Variants in RAD51B observed in about 807,000 individuals in gnomAD.
The protein encoded by RAD51B is DNA repair protein RAD51 homolog 2.
In RAD51B, 38 loss-of-function variants were observed where a neutral mutation model predicts 42.2. The observed-to-expected ratio is 0.90, with a 90% confidence interval of 0.70 to 1.18. RAD51B has a LOEUF of 1.18. Ranked by LOEUF, RAD51B falls within the 50% of genes most tolerant of loss-of-function variation. The pLI, the probability that RAD51B is intolerant of heterozygous loss-of-function variation, is 0.00. For synonymous variants in RAD51B, 154 were observed against 145.2 expected, an observed-to-expected ratio of 1.06 and a Z score of -0.43; for missense variants, 373 against 400.7, an observed-to-expected ratio of 0.93 and a Z score of 0.59.
In RAD51B at chr14:68,188,431, C is replaced by G. The variant is rs2079200139; in HGVS notation, c.757-103453C>G. On this transcript the variant is annotated intron_variant, in intron 7 of 10. Coordinates refer to ENST00000471583, the MANE Select transcript of RAD51B (RefSeq NM_133510.4). ...TTCTCCCATCTTTCTTCTTTCTCCT[C>G]TTCTTTCTTCTTCTTTTAGGTAAGA... Among the ~76,000 whole-genome samples, 5 of 149,718 alleles carry G rather than the reference C, an allele frequency of 3.3e-5. No homozygotes were observed. In the Admixed American group the frequency reaches 3.4e-4, roughly 10 times the overall value.
intron 7 of RAD51B, among the ~76,000 whole-genome samples, chr14:68,018,691 A>G (rs1256796747): frequency 1.3e-5 from 2 of 152,194 alleles, no homozygotes; most frequent in African/African-American, 4.8e-5. Context: ...TGTATCACTG[A>G]CAGCCACTCA....
chr14:68,392,308 T>C (rs2083780104), intron 8 of RAD51B, among the ~76,000 whole-genome samples: 1 of 152,176 alleles, frequency 6.6e-6, no homozygotes, highest in Non-Finnish European at 1.5e-5. Flanking sequence ...GGAATCTTCT[T>C]ATGCTTCGGA....
intron 9 of RAD51B, among the ~76,000 whole-genome samples, chr14:68,442,691 G>A (rs1056552429): frequency 7.9e-5 from 12 of 151,702 alleles, no homozygotes; most frequent in Non-Finnish European, 7.4e-5. Flanking sequence ...CGCCCGCCTC[G>A]GCCTCCCAAA....
At chr14:68,599,197 A>G (rs1312411399), downstream of RAD51B, among the ~76,000 whole-genome samples, 1 of 152,212 alleles carries the variant, frequency 6.6e-6, no homozygotes, top group African/African-American at 2.4e-5. Context: ...TAGTGTGGGC[A>G]TATCTCCATA....
chr14:68,683,058 TA>T (rs1457494826), intron 11 of RAD51B: 2 of 683,952 alleles, frequency 2.9e-6, no homozygotes, highest in African/African-American at 3.9e-5. Flanking sequence ...ATATGCCTGT[TA>T]TTTTTTTCTG....
intron 8 of RAD51B, among the ~76,000 whole-genome samples, chr14:68,294,559 G>A (rs1044908643): frequency 6.6e-6 from 1 of 152,078 alleles, no homozygotes; most frequent in Non-Finnish European, 1.5e-5. Context: ...TGTTAGGCAG[G>A]CCCTTTTGAT....
intron 7 of RAD51B, among the ~76,000 whole-genome samples, chr14:68,011,788 T>C (rs1197857516): frequency 1.3e-5 from 2 of 152,082 alleles, no homozygotes; most frequent in African/African-American, 2.4e-5. Context: ...GATTAAGCTG[T>C]GTGTAGACAA....
chr14:68,443,145 A>C (rs1205906809), intron 9 of RAD51B, among the ~76,000 whole-genome samples: 1 of 152,222 alleles, frequency 6.6e-6, no homozygotes, highest in African/African-American at 2.4e-5. Context: ...AGAAAATCCC[A>C]GGGCTGGAAA....
At chr14:68,082,192 C>A (rs2076922369) in intron 7 of RAD51B, among the ~76,000 whole-genome samples, 1 of 152,048 alleles carries the variant, frequency 6.6e-6, no homozygotes, top group Admixed American at 6.5e-5. Context: ...GATCTCCTGA[C>A]CTCGTGATCT....
At chr14:68,363,574 C>T (rs2139921495) in intron 8 of RAD51B, among the ~76,000 whole-genome samples, 1 of 152,274 alleles carries the variant, frequency 6.6e-6, no homozygotes, top group African/African-American at 2.4e-5. Context: ...GTGCAGGGCT[C>T]TCCTGCGGCG....
intron 7 of RAD51B, among the ~76,000 whole-genome samples, chr14:68,207,239 T>A (rs2079610471): frequency 6.6e-6 from 1 of 152,120 alleles, no homozygotes; most frequent in Non-Finnish European, 1.5e-5. Context: ...CATATATATA[T>A]AAATACACAC....
At chr14:68,473,256 A>G (rs1882239179) in intron 10 of RAD51B, among the ~76,000 whole-genome samples, 1 of 152,202 alleles carries the variant, frequency 6.6e-6, no homozygotes, top group Non-Finnish European at 1.5e-5. Context: ...AACTCAATGG[A>G]GCAAAGAGAG....
At chr14:68,227,682 G>A (rs2140976139) in intron 7 of RAD51B, among the ~76,000 whole-genome samples, 1 of 151,998 alleles carries the variant, frequency 6.6e-6, no homozygotes, top group African/African-American at 2.4e-5. Flanking sequence ...TTTTCTTCAG[G>A]GTCCGTCAAC....
At chr14:68,456,921 T>C (rs900727719) in intron 9 of RAD51B, among the ~76,000 whole-genome samples, 3 of 106,378 alleles carry the variant, frequency 2.8e-5, no homozygotes, top group African/African-American at 4.0e-5. Flanking sequence ...TTTTTTTTTT[T>C]GCTTTTTTTG....
Position 68,421,704 on chromosome 14 carries a change from G to A in RAD51B, c.957+10177G>A, listed in dbSNP as rs968394984. On this transcript the variant is annotated intron_variant, in intron 9 of 10. Transcript: ENST00000471583. ...GATAAAACACAAGTCAAACTTATTC[G>A]AGTTGTCCACAGTCAGCAATGGTGA... is the stretch of plus-strand genomic sequence containing the variant. 24 of 1,583,268 alleles carry A rather than the reference G, an allele frequency of 1.5e-5. No individual in the cohort carries two copies. In the South Asian group the frequency reaches 1.9e-4, roughly 12 times the overall value.
At chr14:67,910,965 C>T (rs1373545259) in intron 7 of RAD51B, among the ~76,000 whole-genome samples, 2 of 152,048 alleles carry the variant, frequency 1.3e-5, no homozygotes, top group Non-Finnish European at 2.9e-5. Flanking sequence ...GCATGCTCCA[C>T]CACACCCGGC....
At position 67,995,386 on chromosome 14, in the gene RAD51B, AAAC is replaced by A. The variant is rs201556258; in HGVS notation, c.756+108212_756+108214del. Among the ~76,000 whole-genome samples the A allele has an allele frequency of 8.8e-3, 1,297 of 146,740 alleles. 10 individuals are homozygous for A. Among genetic ancestry groups the A allele is most frequent in the East Asian group, 0.016 (83 of 5,036 alleles). ...GCAACAGAGCGAGACTCCATCTCAA[AAAC>A]AACAACAACAACAACAACAACAACA... On this transcript the variant is annotated intron_variant, in intron 7 of 10. Transcript: ENST00000471583.
chr14:68,544,855 A>G (rs1387785900), intron 10 of RAD51B, among the ~76,000 whole-genome samples: 1 of 152,124 alleles, frequency 6.6e-6, no homozygotes. Flanking sequence ...TTACCTATCC[A>G]CCTTCCTCCC....
chr14:68,555,375 G>A (rs1302182050), intron 10 of RAD51B, among the ~76,000 whole-genome samples: 1 of 152,240 alleles, frequency 6.6e-6, no homozygotes, highest in Non-Finnish European at 1.5e-5. Flanking sequence ...TCTTAAGGAA[G>A]TGGGTGAGTC....
Sources: gnomAD v4.1 joint callset for allele counts (sites outside exome capture counted in the v4.1 genomes callset) on GRCh38, gnomAD v4.1.1 for gene constraint, MANE v1.5 for transcripts, NCBI Gene and HGNC (gene_info 2026-07-23, HGNC 2026-07-21) for gene names.